Variants in CLGN observed in about 807,000 individuals in gnomAD.
CLGN encodes calmegin.
A neutral mutation model predicts 79.1 loss-of-function variants in CLGN; 62 were observed. That is an observed-to-expected ratio of 0.78 (90% CI 0.64 to 0.97). The LOEUF is 0.97. Ranked by LOEUF, CLGN falls within the 50% of genes least tolerant of loss-of-function variation. CLGN has a pLI of 0.00. For synonymous variants in CLGN, 225 were observed against 224.7 expected (o/e 1.00, Z -0.01); for missense variants, 647 against 715.5 (o/e 0.90, Z 1.09).
chr4:140,421,323 G>C (rs1335816076), intron 1 of CLGN, among the ~76,000 whole-genome samples: 1 of 152,090 alleles, frequency 6.6e-6, no homozygotes, highest in Non-Finnish European at 1.5e-5. Flanking sequence ...ATACCCATAA[G>C]TTGAATTGCT....
intron 2 of CLGN, 41 bp from the exon 3 acceptor site, chr4:140,410,667 A>C: frequency 8.3e-7 from 1 of 1,208,696 alleles, no homozygotes; most frequent in Non-Finnish European, 1.2e-6. Context: ...ATTCATTTTC[A>C]CAAATATTTC....
chr4:140,407,361 A>G (rs1560744215), intron 4 of CLGN, among the ~76,000 whole-genome samples: 1 of 152,102 alleles, frequency 6.6e-6, no homozygotes, highest in Non-Finnish European at 1.5e-5. Context: ...TAAAGGACAT[A>G]CAAATTGGAA....
intron 1 of CLGN, among the ~76,000 whole-genome samples, chr4:140,417,364 G>T (rs1340300651): frequency 6.9e-6 from 1 of 144,154 alleles, no homozygotes; most frequent in Non-Finnish European, 1.5e-5. Flanking sequence ...AATTAGGCAG[G>T]AGAAGGAAAT....
chr4:140,396,333 T>G, intron 8 of CLGN, 128 bp from the exon 9 acceptor site: 1 of 799,082 alleles, frequency 1.3e-6, no homozygotes, highest in Non-Finnish European at 2.0e-6. Context: ...CCTCATCTAC[T>G]ACCCACCTAA....
intron 4 of CLGN, among the ~76,000 whole-genome samples, chr4:140,409,597 T>G (rs192669649): frequency 7.2e-4 from 109 of 152,112 alleles, no homozygotes; most frequent in African/African-American, 2.5e-3. Flanking sequence ...CTAACAGCAG[T>G]AGAGTGAAAA....
At chr4:140,389,500 T>A (rs115226029) in intron 14 of CLGN, among the ~76,000 whole-genome samples, 196 bp from the exon 15 acceptor site, 6 of 151,802 alleles carry the variant, frequency 4.0e-5, no homozygotes, top group Admixed American at 2.0e-4. Flanking sequence ...CACTGACACA[T>A]ACACATAAGA....
At position 140,425,688 on chromosome 4, in the gene CLGN, G is replaced by A. The variant is rs1387607720; in HGVS notation, c.-10+1849C>T. Among the ~76,000 whole-genome samples, 4 of 145,450 alleles carry A rather than the reference G, an allele frequency of 2.8e-5. No individual in the cohort carries two copies. In the South Asian group the frequency reaches 8.7e-4, roughly 32 times the overall value. On this transcript the variant is annotated intron_variant, in intron 1 of 14. Coordinates refer to ENST00000325617, the MANE Select transcript of CLGN (RefSeq NM_004362.3). ...CTGTCACCCAGGCTGGAGTGCAGTG[G>A]CACAATCTCGGCTCACTGCAACCTC...
Position 140,396,899 on chromosome 4 carries a change from A to ACG in CLGN, c.885-695_885-694insCG, listed in dbSNP as rs1560739992. 2.4e-3 allele frequency among the ~76,000 whole-genome samples: 141 copies of ACG among 59,134 alleles called. 2 individuals carry two copies. The highest frequency in any genetic ancestry group is 7.0e-3 in the African/African-American group (135 of 19,162). The allele number at this position is 59,134 out of a possible 152,430, so 38.8% of individuals were successfully genotyped here. A position where few individuals can be genotyped will look rare whatever the true frequency, so the allele number is the denominator to read the frequency against. ...CATATATATATATATATGTATATATATATATATGTATATATATATATATAC... is the reference window on the plus strand; with the variant it reads ...CATATATATATATATATGTATATATACGTATATATGTATATATATATATATAC... On this transcript the variant is annotated intron_variant, in intron 8 of 14. Coordinates refer to ENST00000325617, the MANE Select transcript of CLGN (RefSeq NM_004362.3).
intron 1 of CLGN, among the ~76,000 whole-genome samples, chr4:140,415,512 C>A (rs1383070931): frequency 6.6e-6 from 1 of 152,000 alleles, no homozygotes; most frequent in Non-Finnish European, 1.5e-5. Context: ...GAAGATCTAC[C>A]AAGCAAATGA....
At chr4:140,399,308 G>A (rs1215630588) in intron 7 of CLGN, among the ~76,000 whole-genome samples, 1 of 151,778 alleles carries the variant, frequency 6.6e-6, no homozygotes, top group Admixed American at 6.6e-5. Flanking sequence ...CTCTGTTTTG[G>A]GACTCATAAC....
In CLGN at chr4:140,390,675, C is replaced by T. The variant is rs780258346; in HGVS notation, c.1705G>A (p.Gly569Arg). Residue 569 changes from glycine to arginine, a missense_variant, in exon 14 of 15, where the codon GGG becomes AGG. Coordinates refer to ENST00000325617, the MANE Select transcript of CLGN (RefSeq NM_004362.3). ...TTTGATTGATTACTTTCTTCTTGCC[C>T]TTCTATGATTTCAATTTCTTCTTCA... ...KSEEEIEIIE[G>R]QEESNQSNKS... The T allele has an allele frequency of 6.2e-6, 10 of 1,605,168 alleles. No individual in the cohort carries two copies. In the Admixed American group the frequency reaches 1.7e-4, roughly 27 times the overall value.
chr4:140,419,798 T>A (rs144495642), intron 1 of CLGN, among the ~76,000 whole-genome samples: 2 of 152,150 alleles, frequency 1.3e-5, no homozygotes, highest in Non-Finnish European at 2.9e-5. Context: ...AAAAGAGGTA[T>A]AACTGGGATA....
chr4:140,397,527 AT>A (rs1277865130), intron 8 of CLGN, among the ~76,000 whole-genome samples: 2 of 151,450 alleles, frequency 1.3e-5, no homozygotes, highest in African/African-American at 4.9e-5. Flanking sequence ...GGATTCTTGG[AT>A]TTTATGTCAT....
At chr4:140,422,952 T>C (rs1729498880) in intron 1 of CLGN, among the ~76,000 whole-genome samples, 1 of 152,186 alleles carries the variant, frequency 6.6e-6, no homozygotes, top group African/African-American at 2.4e-5. Context: ...TTGTATTGTG[T>C]TCGTGAAATC....
intron 1 of CLGN, among the ~76,000 whole-genome samples, chr4:140,424,098 T>A (rs1392780344): frequency 1.3e-5 from 2 of 152,190 alleles, no homozygotes; most frequent in African/African-American, 4.8e-5. Context: ...TTCCTCAAGG[T>A]GTAAGTTAGG....
chr4:140,404,522 A>C (rs1218187554), intron 5 of CLGN, among the ~76,000 whole-genome samples: 1 of 152,216 alleles, frequency 6.6e-6, no homozygotes, highest in Non-Finnish European at 1.5e-5. Context: ...TATAGCATTG[A>C]ATATAAATCT....
At chr4:140,416,859 C>T (rs1729343467) in intron 1 of CLGN, among the ~76,000 whole-genome samples, 1 of 150,730 alleles carries the variant, frequency 6.6e-6, no homozygotes, top group Admixed American at 6.6e-5. Context: ...ATGAGGCCAG[C>T]ATCATTCTGA....
intron 1 of CLGN, among the ~76,000 whole-genome samples, chr4:140,423,499 G>C (rs530531619): frequency 4.2e-4 from 64 of 152,176 alleles, no homozygotes; most frequent in Non-Finnish European, 7.4e-4. Flanking sequence ...TAGTTTTCTT[G>C]TAGTGTCTTT....
chr4:140,398,789 T>C, intron 8 of CLGN, 62 bp downstream of exon 8: 1 of 1,394,460 alleles, frequency 7.2e-7, no homozygotes, highest in Non-Finnish European at 1.0e-6. Flanking sequence ...AAACTTCACT[T>C]ATATGTTGTT....
Sources: allele counts gnomAD v4.1 joint callset (sites outside exome capture counted in the v4.1 genomes callset), GRCh38; gene constraint gnomAD v4.1.1; transcripts MANE v1.5; gene names NCBI Gene and HGNC (gene_info 2026-07-23, HGNC 2026-07-21).